The following THSD7A variants were observed in gnomAD, a reference collection of about 807,000 sequenced individuals.
THSD7A encodes thrombospondin type-1 domain-containing protein 7A.
Under a neutral mutation model 231.3 loss-of-function variants are expected in THSD7A, and 96 were observed. That is an observed-to-expected ratio of 0.41 (90% CI 0.35 to 0.49). The LOEUF is 0.49. Among genes scored for constraint, THSD7A ranks in the 20% least tolerant of loss-of-function variants. THSD7A has a pLI of 0.05. For synonymous variants in THSD7A, 940 were observed against 743.3 expected (o/e 1.26, Z -4.30); for missense variants, 2,290 against 2,070.2 (o/e 1.11, Z -2.06).
intron 1 of THSD7A, among the ~76,000 whole-genome samples, chr7:11,700,811 A>C (rs1435803716): frequency 6.6e-6 from 1 of 151,170 alleles, no homozygotes; most frequent in East Asian, 2.0e-4. Flanking sequence ...TCCACAGCCC[A>C]ATAAAAAATA....
At chr7:11,498,111 A>G (rs1787180305) in intron 6 of THSD7A, among the ~76,000 whole-genome samples, 1 of 152,116 alleles carries the variant, frequency 6.6e-6, no homozygotes, top group Non-Finnish European at 1.5e-5. Flanking sequence ...TCAAAGTGGG[A>G]GCTTAGACTC....
intron 4 of THSD7A, among the ~76,000 whole-genome samples, chr7:11,564,978 A>T (rs927903258): frequency 1.3e-5 from 2 of 152,132 alleles, no homozygotes; most frequent in African/African-American, 2.4e-5. Context: ...CTTGTTGGGG[A>T]TATGACTCTT....
rs531537388 is a variant in THSD7A at position 11,524,964 on chromosome 7, C to A, written c.1822+16455G>T. On this transcript the variant is annotated intron_variant, in intron 6 of 27. Transcript: ENST00000423059. ...AGAAACAGCAGGGAACCTGCCTTGC[C>A]TTTCTTAATTTTAGCAGGAGATAAA... is the stretch of plus-strand genomic sequence containing the variant. Among the ~76,000 whole-genome samples the A allele has an allele frequency of 6.6e-5, 10 of 152,328 alleles. No homozygotes were observed. The East Asian group carries it at 1.9e-3, about 29-fold the overall frequency.
chr7:11,649,689 T>G (rs550330521), intron 1 of THSD7A, among the ~76,000 whole-genome samples: 6 of 152,128 alleles, frequency 3.9e-5, no homozygotes, highest in African/African-American at 1.4e-4. Flanking sequence ...ACTTGAGGAA[T>G]GGGGACTTTT....
rs1012449604 is a variant in THSD7A, at chr7:11,637,310, G to T, written c.191-349C>A. 1.3e-5 allele frequency among the ~76,000 whole-genome samples: 2 copies of T among 152,132 alleles called. No homozygotes were observed. The highest frequency in any genetic ancestry group is 4.8e-5 in the African/African-American group (2 of 41,426). The stretch of plus-strand genomic sequence containing the variant: ...GTCACAGTGAAAACTCATTACTCCG[G>T]CCTCACAATCATCAAATCCATTTCA... On this transcript the variant is annotated intron_variant, in intron 1 of 27. Coordinates refer to ENST00000423059, the MANE Select transcript of THSD7A (RefSeq NM_015204.3). This position sits in a 1 kb window ranked among gnomAD's most constrained non-coding sequence, Gnocchi z 4.2.
intron 1 of THSD7A, among the ~76,000 whole-genome samples, chr7:11,691,561 CA>C (rs1780231121): frequency 6.6e-6 from 1 of 151,294 alleles, no homozygotes; most frequent in Admixed American, 6.6e-5. Flanking sequence ...GAGTCATACA[CA>C]AAAATTATAA....
rs546327629 is a variant in THSD7A at position 11,404,136 on chromosome 7, CTTATATA to C, written c.4237+2157_4237+2163del. On this transcript the variant is annotated intron_variant, in intron 22 of 27. Transcript: ENST00000423059. ...CACATCATTTACCACAGGTTATAAT[CTTATATA>C]TTATATATTATTGTCACTATTAGAT... Among the ~76,000 whole-genome samples the C allele has an allele frequency of 2.7e-3, 404 of 152,210 alleles. 3 individuals carry two copies. Among genetic ancestry groups the C allele is most frequent in the African/African-American group, 8.5e-3 (352 of 41,528 alleles).
At chr7:11,529,424 C>T (rs929701931) in intron 6 of THSD7A, among the ~76,000 whole-genome samples, 33 of 152,034 alleles carry the variant, frequency 2.2e-4, no homozygotes, top group East Asian at 1.9e-4. Flanking sequence ...ATATGGTTTG[C>T]GTGTGTCCCG....
intron 1 of THSD7A, among the ~76,000 whole-genome samples, chr7:11,750,372 C>T (rs1384775385): frequency 6.6e-6 from 1 of 151,876 alleles, no homozygotes; most frequent in Non-Finnish European, 1.5e-5. Context: ...GTATAGTTGT[C>T]ACTGCTATTA....
chr7:11,633,930 T>C (rs989046870), intron 2 of THSD7A, among the ~76,000 whole-genome samples: 10 of 152,212 alleles, frequency 6.6e-5, no homozygotes, highest in Non-Finnish European at 1.0e-4. Context: ...CTGGATTTAA[T>C]AGAAGCTAAA....
intron 2 of THSD7A, among the ~76,000 whole-genome samples, chr7:11,611,617 G>A (rs1286922241): frequency 6.6e-6 from 1 of 151,460 alleles, no homozygotes; most frequent in African/African-American, 2.4e-5. Flanking sequence ...TATGAATACT[G>A]TACTTATACT....
intron 1 of THSD7A, among the ~76,000 whole-genome samples, chr7:11,793,322 G>T (rs942595354): frequency 6.6e-6 from 1 of 151,902 alleles, no homozygotes; most frequent in African/African-American, 2.4e-5. Context: ...AATTCTTCTA[G>T]TAGGTAATAG....
chr7:11,475,935 CTTTTT>C (rs553018024), intron 7 of THSD7A, among the ~76,000 whole-genome samples: 4 of 110,766 alleles, frequency 3.6e-5, no homozygotes, highest in Non-Finnish European at 7.6e-5. Context: ...AAATACTTTC[CTTTTT>C]TTTTTTTTTT....
intron 11 of THSD7A, among the ~76,000 whole-genome samples, chr7:11,458,941 C>G (rs554770778): frequency 2.0e-5 from 3 of 152,222 alleles, no homozygotes; most frequent in Non-Finnish European, 4.4e-5. Flanking sequence ...TACTCTAAGG[C>G]TTTTGTGTTC....
In THSD7A at chr7:11,635,424, AT is replaced by A. The variant is rs1282222828; in HGVS notation, c.1022+705del. ...TTTCAGATAATCCTCAATGAAAATT[AT>A]TTTCACAATAAGTAAATCATACATG... is the stretch of plus-strand genomic sequence containing the variant. On this transcript the variant is annotated intron_variant, in intron 2 of 27. Transcript: ENST00000423059. Among the ~76,000 whole-genome samples, 4 of 152,352 alleles carry A rather than the reference AT, an allele frequency of 2.6e-5. No homozygotes were observed. In the East Asian group the frequency reaches 7.7e-4, roughly 29 times the overall value.
chr7:11,647,062 G>T (rs1315841370), intron 1 of THSD7A, among the ~76,000 whole-genome samples: 1 of 151,968 alleles, frequency 6.6e-6, no homozygotes, highest in African/African-American at 2.4e-5. Context: ...TTTCTTCTTT[G>T]ACTCCTGTTC....
At position 11,769,153 on chromosome 7, in the gene THSD7A, AT is replaced by A. The variant is rs1227041855; in HGVS notation, c.190+62603del. Among the ~76,000 whole-genome samples, 159 of 27,644 alleles carry A rather than the reference AT, an allele frequency of 5.8e-3. 10 individuals carry two copies. The highest frequency in any genetic ancestry group is 0.026 in the South Asian group (18 of 702). The allele number at this position is 27,644 out of a possible 152,430, so 18.1% of individuals were successfully genotyped here. On this transcript the variant is annotated intron_variant, in intron 1 of 27. Coordinates refer to ENST00000423059, the MANE Select transcript of THSD7A (RefSeq NM_015204.3). The stretch of plus-strand genomic sequence containing the variant: ...TATATATATATATATATATATATAT[AT>A]TTTTTTTTTTTTTTGGTATTTTTGT...
intron 6 of THSD7A, among the ~76,000 whole-genome samples, chr7:11,540,389 G>A (rs1197351794): frequency 2.6e-5 from 4 of 152,208 alleles, no homozygotes. Flanking sequence ...AACAGTGACT[G>A]AGTCACAGGA....
At chr7:11,752,957 AAT>A in intron 1 of THSD7A, among the ~76,000 whole-genome samples, 1 of 151,070 alleles carries the variant, frequency 6.6e-6, no homozygotes, top group African/African-American at 2.5e-5. Flanking sequence ...TCAATCAATC[AAT>A]CATTTCTAAA....
Sources: allele counts gnomAD v4.1 joint callset (sites outside exome capture counted in the v4.1 genomes callset), GRCh38; gene constraint gnomAD v4.1.1; non-coding constraint Gnocchi (gnomAD v3.1); transcripts MANE v1.5; gene names NCBI Gene and HGNC (gene_info 2026-07-23, HGNC 2026-07-21).